Variants in MAN1B1 observed in about 807,000 individuals in gnomAD.
MAN1B1 encodes endoplasmic reticulum mannosyl-oligosaccharide 1,2-alpha-mannosidase.
MAN1B1 carries 66 observed loss-of-function variants against 75.5 expected under a neutral mutation model. The ratio of observed to expected loss-of-function variants is 0.87; its 90% confidence interval spans 0.72 to 1.07. The LOEUF (loss-of-function observed/expected upper bound fraction) is 1.07, where lower values mean the gene tolerates loss of function less well. Among genes scored for constraint, MAN1B1 ranks in the 50% least tolerant of loss-of-function variants. The pLI is 0.00. For synonymous variants in MAN1B1, 453 were observed against 382.8 expected (o/e 1.18, Z -2.14); for missense variants, 973 against 912.5 (o/e 1.07, Z -0.85).
At chr9:137,090,479 G>A (rs1564275146) in intron 3 of MAN1B1, among the ~76,000 whole-genome samples, 1 of 152,130 alleles carries the variant, frequency 6.6e-6, no homozygotes, top group Non-Finnish European at 1.5e-5. Context: ...CTCAGCAAGA[G>A]GGGCATTGGG....
intron 1 of MAN1B1, chr9:137,087,680 G>A (rs983475724): frequency 9.9e-6 from 4 of 404,582 alleles, no homozygotes; most frequent in African/African-American, 8.2e-5. Context: ...CGGTGCCTGG[G>A]CTACATCTGT....
intron 1 of MAN1B1, 96 bp from the exon 2 acceptor site, chr9:137,087,979 C>T (rs1004817890): frequency 7.0e-6 from 7 of 1,000,686 alleles, no homozygotes; most frequent in Non-Finnish European, 1.1e-5. Context: ...ACTGGATCTT[C>T]CAGAAGAATT....
chr9:137,101,096 G>A lies in MAN1B1; in HGVS notation c.1008G>A (p.Leu336=). The A allele has an allele frequency of 1.2e-6, 2 of 1,613,928 alleles. No homozygotes were observed. Among genetic ancestry groups the A allele is most frequent in the African/African-American group, 1.3e-5 (1 of 75,036 alleles). ...TGTTTGAGAGCACGATCCGCATCCT[G>A]GGGGGGCTCCTGAGTGCCTACCACC... The part of the protein sequence containing the change: ...VNLFESTIRI[L]GGLLSAYHLS... Residue 336 remains leucine, a synonymous_variant, in exon 7 of 13, where the codon CTG becomes CTA. Transcript: ENST00000371589.
At position 137,087,012 on chromosome 9, in the gene MAN1B1, G is replaced by C. The variant is rs1830382000; in HGVS notation, c.13G>C (p.Glu5Gln). The C allele has an allele frequency of 1.9e-6, 3 of 1,597,842 alleles. No individual in the cohort carries two copies. Among genetic ancestry groups the C allele is most frequent in the Non-Finnish European group, 2.6e-6 (3 of 1,174,250 alleles). The change falls in exon 1 of 13, where the codon GAG becomes CAG. Residue 5 changes from glutamate to glutamine, a missense_variant. Physicochemically the swap from Glu to Gln is conservative, Grantham distance 29. Coordinates refer to ENST00000371589, the MANE Select transcript of MAN1B1 (RefSeq NM_016219.5). ...TGACGGCGCTGCGATGGCTGCCTGC[G>C]AGGGCAGGAGAAGCGGAGCTCTCGG... MAAC[E>Q]GRRSGALGSS...
At chr9:137,089,086 A>G (rs1286574787) in intron 3 of MAN1B1, 81 bp downstream of exon 3, 6 of 1,549,922 alleles carry the variant, frequency 3.9e-6, no homozygotes, top group Non-Finnish European at 4.5e-6. Flanking sequence ...GAGAAGAATT[A>G]TTTTCCTTTA....
chr9:137,102,897 G>C lies in MAN1B1; in HGVS notation c.1254+1225G>C, dbSNP rs548709926. ...ACATTCATGCTGTTGCAGGCGTGCA[G>C]GTCAGTGGTGTTACACACATTCACG... On this transcript the variant is annotated intron_variant, in intron 8 of 12. Transcript: ENST00000371589. The C allele has an allele frequency of 6.8e-4, 284 of 420,296 alleles. 3 individuals are homozygous for C. Among genetic ancestry groups the C allele is most frequent in the African/African-American group, 5.7e-3 (242 of 42,504 alleles). The allele number at this position is 420,296 out of a possible 1,614,324, so 26.0% of individuals were successfully genotyped here.
At chr9:137,089,543 G>A (rs1007311838) in intron 3 of MAN1B1, among the ~76,000 whole-genome samples, 1 of 152,232 alleles carries the variant, frequency 6.6e-6, no homozygotes, top group Non-Finnish European at 1.5e-5. Context: ...AAATTCCCAG[G>A]GCTGGGAGAG....
chr9:137,103,729 C>G, intron 8 of MAN1B1: 1 of 425,422 alleles, frequency 2.4e-6, no homozygotes, highest in Non-Finnish European at 4.6e-6. Context: ...TGGTGTTACA[C>G]ACATGCTGTT....
intron 1 of MAN1B1, 164 bp downstream of exon 1, chr9:137,087,382 C>G (rs1410914792): frequency 2.2e-6 from 2 of 890,906 alleles, no homozygotes; most frequent in Non-Finnish European, 3.5e-6. Context: ...CTGGTTGGGG[C>G]AGCCGTGGGC....
chr9:137,087,179 T>C lies in MAN1B1; in HGVS notation c.180T>C (p.Tyr60=). The part of the protein sequence containing the change: ...ISVTLSFGEN[Y]DNSKSWRRRS... ...TGACGCTGAGCTTTGGCGAGAACTA[T>C]GACAACAGCAAGAGTTGGCGGCGGC... The change falls in exon 1 of 13, where the codon TAT becomes TAC. Residue 60 remains tyrosine (Y), a synonymous_variant. Transcript: ENST00000371589. 1 of 1,591,874 alleles carries C rather than the reference T, an allele frequency of 6.3e-7. No individual in the cohort carries two copies. The highest frequency in any genetic ancestry group is 1.1e-5 in the South Asian group (1 of 88,108).
intron 3 of MAN1B1, among the ~76,000 whole-genome samples, chr9:137,091,450 A>G (rs1830509570): frequency 6.7e-6 from 1 of 150,268 alleles, no homozygotes; most frequent in Non-Finnish European, 1.5e-5. Flanking sequence ...GTTAGGGATG[A>G]GGCTGTGTTT....
chr9:137,090,435 G>A (rs909557660), intron 3 of MAN1B1, among the ~76,000 whole-genome samples: 2 of 152,178 alleles, frequency 1.3e-5, no homozygotes, highest in Non-Finnish European at 2.9e-5. Context: ...GGGCTGGGGA[G>A]CTGGAGGCAG....
intron 5 of MAN1B1, among the ~76,000 whole-genome samples, chr9:137,098,375 C>G (rs944841001): frequency 6.6e-6 from 1 of 152,220 alleles, no homozygotes. Context: ...CCCTCTGACA[C>G]GATAAGCCAC....
At chr9:137,093,726 C>T (rs1450635359) in intron 3 of MAN1B1, among the ~76,000 whole-genome samples, 9 of 151,552 alleles carry the variant, frequency 5.9e-5, no homozygotes, top group Non-Finnish European at 1.0e-4. Context: ...CCCAGCTACT[C>T]GGGAGGCTGA....
At chr9:137,090,204 C>G (rs1830480764) in intron 3 of MAN1B1, among the ~76,000 whole-genome samples, 1 of 152,144 alleles carries the variant, frequency 6.6e-6, no homozygotes, top group Admixed American at 6.5e-5. Context: ...GGTGCTGACT[C>G]TGGTGTGGCT....
At chr9:137,103,706 G>T (rs966352826) in intron 8 of MAN1B1, 10 of 436,714 alleles carry the variant, frequency 2.3e-5, no homozygotes, top group Non-Finnish European at 4.6e-5. Flanking sequence ...ACTGTTGCAG[G>T]CGTGCAGGTC....
chr9:137,100,458 T>C (rs1217952349), intron 6 of MAN1B1, among the ~76,000 whole-genome samples: 3 of 152,170 alleles, frequency 2.0e-5, no homozygotes, highest in Non-Finnish European at 4.4e-5. Flanking sequence ...CCCCTTGAGA[T>C]AGGAGGTGAT....
chr9:137,088,555 A>T, intron 2 of MAN1B1: 1 of 904,336 alleles, frequency 1.1e-6, no homozygotes, highest in Non-Finnish European at 1.7e-6. Flanking sequence ...ATCTCTTCTC[A>T]CTTGGTCTAA....
rs1422545045 is a variant in MAN1B1, at chr9:137,107,415, C to A, written c.1732C>A (p.Pro578Thr). The A allele has an allele frequency of 1.2e-6, 2 of 1,613,348 alleles. No individual in the cohort carries two copies. The highest frequency in any genetic ancestry group is 1.7e-6 in the Non-Finnish European group (2 of 1,180,010). The change falls in exon 11 of 13, where the codon CCC (proline) becomes ACC (threonine). Residue 578 changes from proline to threonine, a missense_variant. Pro to Thr is a conservative substitution (Grantham distance 38). Transcript: ENST00000371589. The part of the protein sequence containing the change: ...SPEIVHFNLY[P>T]QPGRRDVEVK... ...CGAGATCGTGCACTTCAACCTTTACCCCCAGCCGGGCCGTCGGGACGTGGA... is the reference window on the plus strand; with the variant it reads ...CGAGATCGTGCACTTCAACCTTTACACCCAGCCGGGCCGTCGGGACGTGGA...
Sources: allele counts gnomAD v4.1 joint callset (sites outside exome capture counted in the v4.1 genomes callset), GRCh38; gene constraint gnomAD v4.1.1; transcripts MANE v1.5; gene names NCBI Gene and HGNC (gene_info 2026-07-23, HGNC 2026-07-21).